The following MOCOS variants were observed in gnomAD, a reference collection of about 807,000 sequenced individuals.
MOCOS encodes human molybdenum cofactor sulfurase.
Under a neutral mutation model 83.6 loss-of-function variants are expected in MOCOS, and 86 were observed. The observed-to-expected ratio is 1.03, with a 90% CI of 0.86 to 1.23. The LOEUF (loss-of-function observed/expected upper bound fraction) is 1.23. Among genes scored for constraint, MOCOS ranks in the 50% most tolerant of loss-of-function variants. MOCOS has a pLI of 0.00. For missense variants in MOCOS, 1,120 were observed against 1,126.9 expected, an observed-to-expected ratio of 0.99 and a Z score of 0.09; for synonymous variants, 445 against 434.7, an observed-to-expected ratio of 1.02 and a Z score of -0.29.
chr18:36,259,923 G>A, intron 12 of MOCOS, 114 bp from the exon 13 acceptor site: 1 of 1,419,464 alleles, frequency 7.0e-7, no homozygotes, highest in Admixed American at 1.7e-5. Flanking sequence ...CAGGGCACAG[G>A]CCACAGTAGA....
At chr18:36,254,840 T>C (rs2091636123) in intron 11 of MOCOS, among the ~76,000 whole-genome samples, 1 of 152,092 alleles carries the variant, frequency 6.6e-6, no homozygotes. Context: ...TTTACTGTGA[T>C]TGTAAGAGTT....
chr18:36,193,602 C>A (rs1035910896), intron 1 of MOCOS, among the ~76,000 whole-genome samples: 1 of 151,972 alleles, frequency 6.6e-6, no homozygotes, highest in Non-Finnish European at 1.5e-5. Context: ...GGATCAAATA[C>A]CTAAATATGA....
chr18:36,224,491 T>C (rs1487694344), intron 9 of MOCOS, among the ~76,000 whole-genome samples: 1 of 152,242 alleles, frequency 6.6e-6, no homozygotes, highest in Non-Finnish European at 1.5e-5. Flanking sequence ...GTTTTTATTA[T>C]GAGAGGGTGC....
rs149743314 is a variant in MOCOS at position 36,199,930 on chromosome 18, C to T, written c.547C>T (p.Arg183Cys). 46 of 1,614,078 alleles carry T rather than the reference C, an allele frequency of 2.8e-5. No homozygotes were observed. The highest frequency in any genetic ancestry group is 8.3e-5 in the Admixed American group (5 of 60,006). Residue 183 changes from arginine (R) to cysteine (C), a missense_variant, in exon 4 of 15, where the codon CGT becomes TGT. Coordinates refer to ENST00000261326, the MANE Select transcript of MOCOS (RefSeq NM_017947.4). ...RPEDLWSAEE[R>C]SASASNPDCQ... ...AGAGGACCTGTGGTCTGCAGAGGAA[C>T]GTAGTGCTTCAGCCAGCAACCCAGA...
At chr18:36,267,560 T>G (rs1213267793) in intron 14 of MOCOS, among the ~76,000 whole-genome samples, 1 of 152,250 alleles carries the variant, frequency 6.6e-6, no homozygotes, top group African/African-American at 2.4e-5. Flanking sequence ...GCCAGGGTTT[T>G]GTTTCACAGT....
rs537172534 is a variant in MOCOS, at chr18:36,189,950, T to A, written c.142+2269T>A. 5.3e-5 allele frequency: 8 copies of A among 152,354 alleles called. No homozygotes were observed. In the South Asian group the frequency reaches 1.4e-3, roughly 28 times the overall value. 9.4% of individuals were successfully genotyped at this position (152,354 alleles called of 1,614,324 possible). On this transcript the variant is annotated intron_variant, in intron 1 of 14. Coordinates refer to ENST00000261326, the MANE Select transcript of MOCOS (RefSeq NM_017947.4). ...TACTGGTGGAGCCAGGATTCAAGTC[T>A]GGGTTGATTGACTTGGATTTTGTAC...
intron 6 of MOCOS, among the ~76,000 whole-genome samples, chr18:36,212,300 T>C (rs2091458305): frequency 6.6e-6 from 1 of 152,214 alleles, no homozygotes; most frequent in South Asian, 2.1e-4. Context: ...GGTGGCCTAC[T>C]TCACAGCAAA....
In MOCOS at chr18:36,210,312, C is replaced by T. The variant is rs116837257; in HGVS notation, c.1219-3054C>T. Among the ~76,000 whole-genome samples the T allele has an allele frequency of 2.3e-3, 346 of 152,226 alleles. 2 individuals are homozygous for T. Among genetic ancestry groups the T allele is most frequent in the African/African-American group, 7.8e-3 (323 of 41,532 alleles). On this transcript the variant is annotated intron_variant, in intron 6 of 14. Transcript: ENST00000261326. Reference sequence around the variant, plus strand: ...CTTCTGGGGGAGATGTCGGTCCTCACTGGTGTTCAGGGCAGACACTGTACA... The same window carrying T: ...CTTCTGGGGGAGATGTCGGTCCTCATTGGTGTTCAGGGCAGACACTGTACA...
intron 8 of MOCOS, among the ~76,000 whole-genome samples, chr18:36,218,823 C>A (rs889564993): frequency 1.3e-5 from 2 of 148,648 alleles, no homozygotes; most frequent in Admixed American, 6.7e-5. Flanking sequence ...CCCAGCTCTA[C>A]TCACTTTATT....
intron 9 of MOCOS, among the ~76,000 whole-genome samples, chr18:36,230,533 TTC>T (rs1479844268): frequency 1.3e-5 from 2 of 152,212 alleles, no homozygotes; most frequent in Non-Finnish European, 2.9e-5. Context: ...CAACTATGTT[TTC>T]TATCTGCTTA....
At chr18:36,258,219 C>G (rs948835692) in intron 12 of MOCOS, among the ~76,000 whole-genome samples, 2 of 152,166 alleles carry the variant, frequency 1.3e-5, no homozygotes, top group East Asian at 3.9e-4. Context: ...TCCCCACCAT[C>G]TGGTTTATAG....
chr18:36,205,540 C>T (rs2091431769), intron 6 of MOCOS, among the ~76,000 whole-genome samples: 2 of 152,202 alleles, frequency 1.3e-5, no homozygotes, highest in Admixed American at 6.5e-5. Context: ...AAGCTGTTCA[C>T]TTCACTTCCT....
chr18:36,193,832 A>C (rs2091376164), intron 1 of MOCOS, among the ~76,000 whole-genome samples: 1 of 152,154 alleles, frequency 6.6e-6, no homozygotes, highest in Non-Finnish European at 1.5e-5. Flanking sequence ...CCACACAAAA[A>C]CTTGTACACC....
At position 36,207,123 on chromosome 18, in the gene MOCOS, G is replaced by A. The variant is rs1367807619; in HGVS notation, c.1218+1847G>A. 2.0e-5 allele frequency among the ~76,000 whole-genome samples: 3 copies of A among 152,256 alleles called. No homozygotes were observed. In the South Asian group the frequency reaches 6.2e-4, roughly 32 times the overall value. On this transcript the variant is annotated intron_variant, in intron 6 of 14. Coordinates refer to ENST00000261326, the MANE Select transcript of MOCOS (RefSeq NM_017947.4). The stretch of plus-strand genomic sequence containing the variant: ...GCAATCTCAGTTCACTGCAAACTCC[G>A]CCTCCTGGGTTCAATTGATTCTCCT...
intron 2 of MOCOS, among the ~76,000 whole-genome samples, chr18:36,197,813 T>C (rs746232782): frequency 6.6e-6 from 1 of 151,336 alleles, no homozygotes; most frequent in Non-Finnish European, 1.5e-5. Context: ...GATGATTTTT[T>C]AGTGATTGAC....
At chr18:36,254,915 G>A (rs1389341550) in intron 11 of MOCOS, among the ~76,000 whole-genome samples, 1 of 151,978 alleles carries the variant, frequency 6.6e-6, no homozygotes, top group Non-Finnish European at 1.5e-5. Flanking sequence ...TAATAGAGAT[G>A]GGGTTTCGCC....
At position 36,214,828 on chromosome 18, in the gene MOCOS, C is replaced by T. The variant is rs1039708332; in HGVS notation, c.1336-688C>T. ...AGATAGAATATTTGGTCCTATGGAA[C>T]GCTGTGGCTCCATTTGTTCGGGTGT... On this transcript the variant is annotated intron_variant, in intron 7 of 14. Transcript: ENST00000261326. 6.6e-5 allele frequency among the ~76,000 whole-genome samples: 10 copies of T among 152,254 alleles called. No homozygotes were observed. The South Asian group carries it at 1.0e-3, about 16-fold the overall frequency.
chr18:36,248,613 G>A (rs982004111), intron 9 of MOCOS, among the ~76,000 whole-genome samples: 1 of 152,152 alleles, frequency 6.6e-6, no homozygotes, highest in Non-Finnish European at 1.5e-5. Flanking sequence ...GAGTTGATTT[G>A]TGTATATGGT....
At chr18:36,240,686 T>C (rs2091578318) in intron 9 of MOCOS, among the ~76,000 whole-genome samples, 1 of 152,218 alleles carries the variant, frequency 6.6e-6, no homozygotes, top group South Asian at 2.1e-4. Flanking sequence ...CCCAGCTGCT[T>C]TGTTTACCTA....
Sources: allele counts gnomAD v4.1 joint callset (sites outside exome capture counted in the v4.1 genomes callset), GRCh38; gene constraint gnomAD v4.1.1; transcripts MANE v1.5; gene names NCBI Gene and HGNC (gene_info 2026-07-23, HGNC 2026-07-21).